Variants in HLF observed in about 807,000 individuals in gnomAD.
HLF encodes the protein HLF transcription factor, PAR bZIP family member.
In HLF, 3 loss-of-function variants were observed where a neutral mutation model predicts 22.6. The ratio of observed to expected loss-of-function variants is 0.13; its 90% confidence interval spans 0.06 to 0.34. The LOEUF is 0.34. Ranked by LOEUF, HLF falls within the 10% of genes least tolerant of loss-of-function variation. The pLI, the probability that HLF is intolerant of heterozygous loss-of-function variation, is 1.00. For missense variants in HLF, 299 were observed against 389.2 expected (o/e 0.77, Z 1.95); for synonymous variants, 151 against 151.8 (o/e 0.99, Z 0.04).
intron 2 of HLF, chr17:55,288,878 C>T: frequency 2.0e-6 from 2 of 983,518 alleles, no homozygotes; most frequent in Non-Finnish European, 2.4e-6. Context: ...CCTTTAATCA[C>T]AGAGACATGA....
chr17:55,279,249 T>C (rs2080932188), intron 2 of HLF, among the ~76,000 whole-genome samples: 1 of 152,212 alleles, frequency 6.6e-6, no homozygotes, highest in Non-Finnish European at 1.5e-5. Context: ...ATTGGCTTCC[T>C]GGAAGACTGA....
intron 2 of HLF, among the ~76,000 whole-genome samples, chr17:55,283,129 A>G (rs1024370995): frequency 6.6e-6 from 1 of 152,048 alleles, no homozygotes; most frequent in Admixed American, 6.5e-5. Context: ...AAGAAAAGAA[A>G]AAAAAAAGGA....
rs1261280191 is a variant in HLF, at chr17:55,324,297, TCA to T, written c.*3421_*3422del. On this transcript the variant is annotated 3_prime_UTR_variant, in exon 4 of 4. Transcript: ENST00000226067. ...CTAACCCACTGGTTTGGTGGGGAAC[TCA>T]CAGTAATTCCAAATGTACAATCAGA... 4.4e-6 allele frequency: 1 copy of T among 227,232 alleles called. No homozygotes were observed. The allele number at this position is 227,232 out of a possible 1,614,324, so 14.1% of individuals were successfully genotyped here.
At chr17:55,293,373 GA>G (rs1331030631) in intron 2 of HLF, among the ~76,000 whole-genome samples, 2 of 152,226 alleles carry the variant, frequency 1.3e-5, no homozygotes, top group Admixed American at 6.5e-5. Context: ...TCTGAGGAGA[GA>G]AGGCAGAGCT....
At chr17:55,277,098 T>A (rs2080910318) in intron 2 of HLF, among the ~76,000 whole-genome samples, 1 of 152,164 alleles carries the variant, frequency 6.6e-6, no homozygotes. Context: ...AATTTAAAAG[T>A]CCAAAAGCAG....
At chr17:55,270,337 G>A (rs952680243) in intron 2 of HLF, among the ~76,000 whole-genome samples, 1 of 152,176 alleles carries the variant, frequency 6.6e-6, no homozygotes, top group Non-Finnish European at 1.5e-5. Context: ...GTTAAACCTC[G>A]TCTTCAAATA....
In HLF at chr17:55,321,059, G is replaced by A. The variant is rs1482555345; in HGVS notation, c.*180G>A. ...TGTATATGTGCTTGTGCTCATGTGT[G>A]TGGTCAGCGGTATGTGCGTGTGCGT... is the stretch of plus-strand genomic sequence containing the variant. On this transcript the variant is annotated 3_prime_UTR_variant, in exon 4 of 4. Coordinates refer to ENST00000226067, the MANE Select transcript of HLF (RefSeq NM_002126.5). 33 of 590,936 alleles carry A rather than the reference G, an allele frequency of 5.6e-5. No individual in the cohort carries two copies. Among genetic ancestry groups the A allele is most frequent in the Non-Finnish European group, 1.8e-5 (6 of 328,184 alleles). 36.6% of individuals were successfully genotyped at this position (590,936 alleles called of 1,614,324 possible).
At chr17:55,294,041 G>A (rs2081089979) in intron 2 of HLF, among the ~76,000 whole-genome samples, 1 of 75,484 alleles carries the variant, frequency 1.3e-5, no homozygotes, top group African/African-American at 1.1e-4. Context: ...CTAAGCCACA[G>A]TTCCTTCTGA....
intron 2 of HLF, among the ~76,000 whole-genome samples, chr17:55,307,140 C>T (rs1598405963): frequency 6.9e-6 from 1 of 145,172 alleles, no homozygotes; most frequent in Non-Finnish European, 1.5e-5. Context: ...GGTCTCCTCT[C>T]AGCGGCCTTT....
intron 2 of HLF, among the ~76,000 whole-genome samples, chr17:55,303,207 A>G (rs1192558679): frequency 2.0e-5 from 3 of 152,166 alleles, no homozygotes; most frequent in East Asian, 1.9e-4. Flanking sequence ...CCTGTCCTCT[A>G]GTGTGTAGAG....
chr17:55,302,297 A>G (rs1267859754), intron 2 of HLF, among the ~76,000 whole-genome samples: 2 of 152,242 alleles, frequency 1.3e-5, no homozygotes, highest in East Asian at 1.9e-4. Context: ...TACAGAGAAC[A>G]CTGGCTAGGA....
Position 55,324,879 on chromosome 17 carries a change from C to T in HLF, c.*4000C>T, listed in dbSNP as rs1378245182. The T allele has an allele frequency of 4.3e-6, 1 of 231,912 alleles. No homozygotes were observed. The highest frequency in any genetic ancestry group is 8.5e-6 in the Non-Finnish European group (1 of 117,206). The allele number at this position is 231,912 out of a possible 1,614,324, so 14.4% of individuals were successfully genotyped here. On this transcript the variant is annotated 3_prime_UTR_variant, in exon 4 of 4. Transcript: ENST00000226067. The stretch of plus-strand genomic sequence containing the variant: ...AAGTCTTTAATTTTGAGCACCTTAC[C>T]AAACATAACAATAATCCATTATCCT...
intron 1 of HLF, 59 bp from the exon 2 acceptor site, chr17:55,267,692 G>A (rs1237946993): frequency 4.2e-6 from 5 of 1,181,788 alleles, no homozygotes; most frequent in Non-Finnish European, 4.8e-6. Flanking sequence ...TGATAAAAGA[G>A]CGGTATTGTT....
chr17:55,284,279 G>C (rs1293654176), intron 2 of HLF, among the ~76,000 whole-genome samples: 2 of 152,116 alleles, frequency 1.3e-5, no homozygotes, highest in African/African-American at 4.8e-5. Flanking sequence ...CCAGGTAACT[G>C]TGTGACAAGG....
intron 3 of HLF, among the ~76,000 whole-genome samples, chr17:55,319,547 G>A (rs940984838): frequency 6.6e-6 from 1 of 152,060 alleles, no homozygotes; most frequent in African/African-American, 2.4e-5. Flanking sequence ...TTTCTGTCAG[G>A]GAGGCAGCAG....
intron 2 of HLF, among the ~76,000 whole-genome samples, chr17:55,288,482 G>T (rs577629818): frequency 5.3e-5 from 8 of 152,190 alleles, no homozygotes; most frequent in African/African-American, 1.9e-4. Context: ...AACATTCAAG[G>T]CTGGATGCCA....
intron 2 of HLF, among the ~76,000 whole-genome samples, chr17:55,309,235 C>T (rs537800408): frequency 1.2e-4 from 18 of 152,294 alleles, no homozygotes; most frequent in African/African-American, 3.1e-4. Flanking sequence ...ATTCCTGCTG[C>T]GGGAATGGAG....
intron 2 of HLF, among the ~76,000 whole-genome samples, chr17:55,274,077 T>A (rs1027902998): frequency 8.0e-5 from 10 of 125,126 alleles, no homozygotes; most frequent in African/African-American, 2.8e-4. Flanking sequence ...AATAGCAATA[T>A]AAAGACAGAA....
chr17:55,318,693 C>G (rs1905159064), intron 3 of HLF, among the ~76,000 whole-genome samples: 1 of 152,182 alleles, frequency 6.6e-6, no homozygotes, highest in African/African-American at 2.4e-5. Context: ...CATCCTAAAT[C>G]AAGTCCTCTT....
Sources: gnomAD v4.1 joint callset for allele counts (sites outside exome capture counted in the v4.1 genomes callset) on GRCh38, gnomAD v4.1.1 for gene constraint, MANE v1.5 for transcripts, NCBI Gene and HGNC (gene_info 2026-07-23, HGNC 2026-07-21) for gene names.